The following RABL6 variants were observed in gnomAD, a reference collection of about 807,000 sequenced individuals.
RABL6 encodes RAB, member RAS oncogene family like 6.
A neutral mutation model predicts 72.9 loss-of-function variants in RABL6; 28 were observed. The observed-to-expected ratio is 0.38, with a 90% CI of 0.28 to 0.53. RABL6 has a LOEUF of 0.53. RABL6 is among the 20% of genes least tolerant of loss of function. The pLI is 0.80. For synonymous variants in RABL6, 477 were observed against 421.2 expected, an observed-to-expected ratio of 1.13 and a Z score of -1.62; for missense variants, 1,029 against 1,008.4, an observed-to-expected ratio of 1.02 and a Z score of -0.28.
At chr9:136,819,044 C>T (rs908521808) in intron 1 of RABL6, among the ~76,000 whole-genome samples, 3 of 151,926 alleles carry the variant, frequency 2.0e-5, no homozygotes, top group African/African-American at 4.8e-5. Context: ...TTGTCCAGGC[C>T]GGGCGCGGTG....
rs1847902616 is a variant in RABL6, at chr9:136,808,006, G to T, written c.-191G>T. On this transcript the variant is annotated 5_prime_UTR_variant, in exon 1 of 15. Coordinates refer to ENST00000311502, the MANE Select transcript of RABL6 (RefSeq NM_024718.5). ...GCCGGAGGCCGCGGGGGCCGGAGCG[G>T]AGCAGCCGCGGCTGAGGTTCCCGAG... 1 of 1,025,176 alleles carries T rather than the reference G, an allele frequency of 9.8e-7. No individual in the cohort carries two copies. The highest frequency in any genetic ancestry group is 9.3e-5 in the East Asian group (1 of 10,776). 63.5% of individuals were successfully genotyped at this position (1,025,176 alleles called of 1,614,324 possible).
Position 136,829,387 on chromosome 9 carries a change from C to T in RABL6, c.367-6C>T. The T allele has an allele frequency of 6.4e-7, 1 of 1,563,106 alleles. No individual in the cohort carries two copies. Among genetic ancestry groups the T allele is most frequent in the South Asian group, 1.2e-5 (1 of 84,694 alleles). ...CAGTCTCACACCTGTTCCCTCCTGTCCCCAGGCGGAGTCTGAAATGGCCCT... is the reference window on the plus strand; with the variant it reads ...CAGTCTCACACCTGTTCCCTCCTGTTCCCAGGCGGAGTCTGAAATGGCCCT... On this transcript the variant is annotated splice_polypyrimidine_tract_variant and splice_region_variant and intron_variant, in intron 4 of 14. Coordinates refer to ENST00000311502, the MANE Select transcript of RABL6 (RefSeq NM_024718.5).
intron 7 of RABL6, chr9:136,834,586 C>G: frequency 1.7e-6 from 1 of 604,878 alleles, no homozygotes; most frequent in Non-Finnish European, 2.1e-6. Context: ...TCAAGCGATT[C>G]TCCTGCCTAA....
intron 7 of RABL6, chr9:136,832,917 C>T: frequency 9.2e-6 from 3 of 326,268 alleles, no homozygotes; most frequent in East Asian, 1.7e-4. Context: ...TGCAAAGTAG[C>T]CCAGCAAATG....
chr9:136,818,022 G>T (rs1371034431), intron 1 of RABL6, among the ~76,000 whole-genome samples: 1 of 130,992 alleles, frequency 7.6e-6, no homozygotes, highest in Non-Finnish European at 1.5e-5. Flanking sequence ...AGATCGCGCC[G>T]CTGCACTCCA....
chr9:136,819,950 C>G (rs968794648), intron 1 of RABL6, among the ~76,000 whole-genome samples: 2 of 152,098 alleles, frequency 1.3e-5, no homozygotes, highest in African/African-American at 2.4e-5. Flanking sequence ...CATCTGTAAT[C>G]CTAGCACTTT....
intron 7 of RABL6, 148 bp from the exon 8 acceptor site, chr9:136,835,594 G>A: frequency 1.5e-6 from 1 of 663,392 alleles, no homozygotes; most frequent in Non-Finnish European, 2.6e-6. Flanking sequence ...GCCCAGCGCA[G>A]AGCTCCATGA....
chr9:136,840,861 A>G lies in RABL6; in HGVS notation c.*339A>G, dbSNP rs926415277. On this transcript the variant is annotated 3_prime_UTR_variant, in exon 15 of 15. Coordinates refer to ENST00000311502, the MANE Select transcript of RABL6 (RefSeq NM_024718.5). Reference sequence around the variant, plus strand: ...GAGGGTCTGTTTACAGAGGCTGGGCAGGGGCCGCTTGGCTGTGGGGTGTGC... The same window carrying G: ...GAGGGTCTGTTTACAGAGGCTGGGCGGGGGCCGCTTGGCTGTGGGGTGTGC... 8 of 1,539,842 alleles carry G rather than the reference A, an allele frequency of 5.2e-6. No homozygotes were observed. The highest frequency in any genetic ancestry group is 2.0e-5 in the Admixed American group (1 of 50,534).
At chr9:136,839,644 T>C in intron 12 of RABL6, 50 bp from the exon 13 acceptor site, 1 of 1,550,314 alleles carries the variant, frequency 6.5e-7, no homozygotes, top group Non-Finnish European at 8.7e-7. Flanking sequence ...CCACAACCCC[T>C]GGGGGTGTGG....
chr9:136,837,793 C>G (rs952869529), intron 9 of RABL6, 69 bp from the exon 10 acceptor site: 2 of 1,540,956 alleles, frequency 1.3e-6, no homozygotes, highest in Non-Finnish European at 1.8e-6. Flanking sequence ...CCGGGTGGGC[C>G]TGGCTTGGGG....
At chr9:136,838,135 G>A (rs1848618552) in intron 10 of RABL6, 120 bp downstream of exon 10, 1 of 1,265,688 alleles carries the variant, frequency 7.9e-7, no homozygotes, top group Admixed American at 2.2e-5. Flanking sequence ...GGTCACTGTT[G>A]GCTGAGGACA....
intron 1 of RABL6, among the ~76,000 whole-genome samples, chr9:136,810,431 C>T (rs534653500): frequency 6.6e-6 from 1 of 152,242 alleles, no homozygotes; most frequent in East Asian, 1.9e-4. Context: ...TGAATTTGTA[C>T]CTAAATTACA....
At chr9:136,836,146 G>C (rs1848581276) in intron 8 of RABL6, 1 of 321,942 alleles carries the variant, frequency 3.1e-6, no homozygotes, top group East Asian at 5.8e-5. Flanking sequence ...TGCCCATCAG[G>C]GGCTTGGCCT....
chr9:136,835,363 C>T (rs1254125079), intron 7 of RABL6: 1 of 176,298 alleles, frequency 5.7e-6, no homozygotes, highest in Non-Finnish European at 1.2e-5. Flanking sequence ...GGGATGTGTC[C>T]TGCCACCAGA....
chr9:136,837,157 G>A (rs1015599494), intron 8 of RABL6, 189 bp from the exon 9 acceptor site: 5 of 740,106 alleles, frequency 6.8e-6, no homozygotes, highest in Non-Finnish European at 1.2e-5. Context: ...TTACAGGCAT[G>A]AGCCACCGTG....
At chr9:136,813,677 G>A (rs1342723160) in intron 1 of RABL6, 3 of 211,222 alleles carry the variant, frequency 1.4e-5, no homozygotes, top group East Asian at 1.6e-4. Context: ...TGCAGTGGCC[G>A]TGATCTCAGC....
In RABL6 at chr9:136,828,728, G is replaced by A. The variant is rs183482108; in HGVS notation, c.366+182G>A. On this transcript the variant is annotated intron_variant, in intron 4 of 14. Coordinates refer to ENST00000311502, the MANE Select transcript of RABL6 (RefSeq NM_024718.5). ...GCCATGGCTGTATCTGGGGGTGGCCGGCTCACCTGCACTCGACAGACATCA... is the reference window on the plus strand; with the variant it reads ...GCCATGGCTGTATCTGGGGGTGGCCAGCTCACCTGCACTCGACAGACATCA... 5.3e-5 allele frequency among the ~76,000 whole-genome samples: 8 copies of A among 152,270 alleles called. No individual in the cohort carries two copies. The East Asian group carries it at 1.2e-3, about 22-fold the overall frequency.
At chr9:136,834,573 G>C in intron 7 of RABL6, 1 of 698,010 alleles carries the variant, frequency 1.4e-6, no homozygotes, top group Non-Finnish European at 1.8e-6. Context: ...CTGCCTCCTG[G>C]GTTCAAGCGA....
At position 136,839,383 on chromosome 9, in the gene RABL6, CG is replaced by C; in HGVS notation, c.1656del (p.Ser553ArgfsTer46). On this transcript the variant is annotated frameshift_variant, in exon 12 of 15. Transcript: ENST00000311502. LOFTEE classifies it high-confidence loss of function. ...MEPGKGEQASSSESDPEGPIA... is the reference protein window; with the variant it reads ...MEPGKGEQASXSESDPEGPIA... ...CCGGGGAAGGGTGAGCAGGCCTCCT[CG>C]TCGGAGAGTGACCCCGAGGGACCCA... The C allele has an allele frequency of 6.2e-7, 1 of 1,612,548 alleles. No individual in the cohort carries two copies. The highest frequency in any genetic ancestry group is 8.5e-7 in the Non-Finnish European group (1 of 1,179,734).
Sources: gnomAD v4.1 joint callset for allele counts (sites outside exome capture counted in the v4.1 genomes callset) on GRCh38, gnomAD v4.1.1 for gene constraint, MANE v1.5 for transcripts, NCBI Gene and HGNC (gene_info 2026-07-23, HGNC 2026-07-21) for gene names.